ACP6: variants seen among roughly 807,000 people sequenced by gnomAD.
The protein encoded by ACP6 is lysophosphatidic acid phosphatase type 6.
Under a neutral mutation model 48.1 loss-of-function variants are expected in ACP6, and 48 were observed. That is an observed-to-expected ratio of 1.00 (90% CI 0.79 to 1.27). The LOEUF is 1.27. Among genes scored for constraint, ACP6 ranks in the 50% most tolerant of loss-of-function variants. ACP6 has a pLI of 0.00. For synonymous variants in ACP6, 172 were observed against 204.2 expected (o/e 0.84, Z 1.34); for missense variants, 485 against 529.1 (o/e 0.92, Z 0.82).
chr1:147,641,677 T>G (rs1370354291), downstream of ACP6, among the ~76,000 whole-genome samples: 1 of 152,188 alleles, frequency 6.6e-6, no homozygotes, highest in Non-Finnish European at 1.5e-5. Context: ...TTTCACACCC[T>G]ATTTTCCATC....
At chr1:147,664,504 T>C (rs1335990617) in intron 1 of ACP6, among the ~76,000 whole-genome samples, 1 of 152,210 alleles carries the variant, frequency 6.6e-6, no homozygotes, top group Non-Finnish European at 1.5e-5. Flanking sequence ...GCTTTCACAG[T>C]AGCTTCAGTG....
At position 147,648,274 on chromosome 1, in the gene ACP6, C is replaced by T. The variant is rs1553209876; in HGVS notation, c.1115G>A (p.Trp372Ter). Residue 372 changes from tryptophan to a stop codon, truncating the protein, a stop_gained, in exon 9 of 10, where the codon TGG (tryptophan) becomes TAG (stop). Transcript: ENST00000583509. LOFTEE classifies it high-confidence loss of function. ...CCCGTGGTAATAGAGCTGCACAAAC[C>T]ACTCCTTAGATTCCAGGTGCTGGTA... Reference protein sequence around the residue: ...ELYQHLESKEWFVQLYYHGKE... With the variant: ...ELYQHLESKE 6.2e-7 allele frequency: 1 copy of T among 1,614,148 alleles called. No homozygotes were observed.
Position 147,669,946 on chromosome 1 carries a change from G to A in ACP6, c.103C>T (p.Gln35Ter), listed in dbSNP as rs781817804. The A allele has an allele frequency of 2.5e-5, 39 of 1,551,716 alleles. No homozygotes were observed. The highest frequency in any genetic ancestry group is 2.4e-5 in the Non-Finnish European group (28 of 1,148,402). The change falls in exon 1 of 10, where the codon CAG becomes TAG. Residue 35 changes from glutamine to a stop codon, truncating the protein, a stop_gained. Transcript: ENST00000583509. LOFTEE classifies it high-confidence loss of function. ...HQRRVALAEL[Q>*]EADGQCPVDR... ...ACCGGACACTGGCCATCGGCCTCCT[G>A]CAGCTCGGCCAGGGCCACCCGCCGC...
chr1:147,654,532 G>A (rs1553211242), intron 5 of ACP6, among the ~76,000 whole-genome samples: 1 of 152,134 alleles, frequency 6.6e-6, no homozygotes. Context: ...AAGTACCAGG[G>A]TTAGGATAAC....
chr1:147,637,905 C>T (rs1485523100), downstream of ACP6, among the ~76,000 whole-genome samples: 1 of 152,208 alleles, frequency 6.6e-6, no homozygotes, highest in Non-Finnish European at 1.5e-5. Flanking sequence ...TGTGGCCAGT[C>T]TGCACCCTGT....
At chr1:147,661,235 G>GT (rs1553212664) in intron 1 of ACP6, among the ~76,000 whole-genome samples, 2 of 152,120 alleles carry the variant, frequency 1.3e-5, no homozygotes, top group East Asian at 3.8e-4. Context: ...CTGGAGTGCA[G>GT]TGGCATTACC....
intron 6 of ACP6, among the ~76,000 whole-genome samples, chr1:147,652,898 C>A (rs1553210876): frequency 6.6e-6 from 1 of 152,262 alleles, no homozygotes; most frequent in Non-Finnish European, 1.5e-5. Context: ...ACGATCTCGG[C>A]TCACTGCAAG....
intron 1 of ACP6, 118 bp downstream of exon 1, chr1:147,669,712 G>C (rs1660984610): frequency 2.7e-6 from 3 of 1,104,792 alleles, no homozygotes; most frequent in Non-Finnish European, 3.8e-6. Context: ...CCTTCTTCTG[G>C]ACCCAACCCG....
At chr1:147,637,356 G>T (rs1553208164), downstream of ACP6, among the ~76,000 whole-genome samples, 1 of 152,118 alleles carries the variant, frequency 6.6e-6, no homozygotes, top group African/African-American at 2.4e-5. Flanking sequence ...TATTTCAAAG[G>T]TTTTCCTTAT....
chr1:147,669,092 A>ATT lies in ACP6; in HGVS notation c.219+736_219+737dup, dbSNP rs34257966. Among the ~76,000 whole-genome samples the ATT allele has an allele frequency of 1.5e-3, 224 of 151,328 alleles. 2 individuals are homozygous for ATT. The highest frequency in any genetic ancestry group is 4.9e-3 in the African/African-American group (202 of 41,228). On this transcript the variant is annotated intron_variant, in intron 1 of 9. Coordinates refer to ENST00000583509, the MANE Select transcript of ACP6 (RefSeq NM_016361.5). ...AAAGTCACATCCAGGAAAGATAATCATTTTTTTTTAAACTATTTGTGCTTT... is the reference window on the plus strand; with the variant it reads ...AAAGTCACATCCAGGAAAGATAATCATTTTTTTTTTTAAACTATTTGTGCTTT...
chr1:147,653,717 C>A (rs996934292), intron 6 of ACP6, among the ~76,000 whole-genome samples: 1 of 152,036 alleles, frequency 6.6e-6, no homozygotes, highest in African/African-American at 2.4e-5. Context: ...TGTTAGTCTT[C>A]TTTATGTATT....
intron 5 of ACP6, among the ~76,000 whole-genome samples, chr1:147,636,737 A>C (rs1305310577): frequency 6.6e-6 from 1 of 152,196 alleles, no homozygotes; most frequent in African/African-American, 2.4e-5. Flanking sequence ...CTTAGGCTGT[A>C]ATGCAAAAAG....
Position 147,670,134 on chromosome 1 carries a change from C to A in ACP6, c.-86G>T. The A allele has an allele frequency of 7.6e-7, 1 of 1,314,928 alleles. No individual in the cohort carries two copies. Among genetic ancestry groups the A allele is most frequent in the South Asian group, 1.5e-5 (1 of 64,550 alleles). 81.5% of individuals were successfully genotyped at this position (1,314,928 alleles called of 1,614,324 possible). On this transcript the variant is annotated 5_prime_UTR_variant, in exon 1 of 10. Transcript: ENST00000583509. Reference sequence around the variant, plus strand: ...CGGGCGCCGGGGCTCAGCGGGCGCCCCCAAGTCCGCGGGAACCTGCGGATG... The same window carrying A: ...CGGGCGCCGGGGCTCAGCGGGCGCCACCAAGTCCGCGGGAACCTGCGGATG...
Position 147,645,011 on chromosome 1 carries a change from CT to C in ACP6, c.*2411del, listed in dbSNP as rs1289295818. On this transcript the variant is annotated 3_prime_UTR_variant, in exon 10 of 10. Coordinates refer to ENST00000583509, the MANE Select transcript of ACP6 (RefSeq NM_016361.5). Reference sequence around the variant, plus strand: ...TTTTTTTTTGAGATGTTATTTCTCTCTTGTTGCCCAGGCTGGAGTGCAATGG... The same window carrying C: ...TTTTTTTTTGAGATGTTATTTCTCTCTGTTGCCCAGGCTGGAGTGCAATGG... 1 of 143,168 alleles carries C rather than the reference CT, an allele frequency of 7.0e-6. No individual in the cohort carries two copies. Among genetic ancestry groups the C allele is most frequent in the African/African-American group, 2.6e-5 (1 of 38,270 alleles). The allele number at this position is 143,168 out of a possible 1,614,324, so 8.9% of individuals were successfully genotyped here.
intron 7 of ACP6, 154 bp from the exon 8 acceptor site, chr1:147,650,392 T>G: frequency 1.8e-6 from 1 of 542,606 alleles, no homozygotes. Context: ...AGGAGAGAAA[T>G]GGCACCGAGT....
At chr1:147,652,772 G>GAAGAAACCC in intron 6 of ACP6, 3 of 710,436 alleles carry the variant, frequency 4.2e-6, no homozygotes, top group Non-Finnish European at 6.7e-6. Context: ...AAAAGAAAGG[G>GAAGAAACCC]TTTCTTCCCT....
intron 6 of ACP6, 173 bp from the exon 7 acceptor site, chr1:147,652,722 C>T: frequency 7.5e-7 from 1 of 1,327,800 alleles, no homozygotes; most frequent in South Asian, 1.3e-5. Context: ...TAAAGCTCTT[C>T]CAAAGCTATT....
In ACP6 at chr1:147,669,963, A is replaced by G. The variant is rs201678741; in HGVS notation, c.86T>C (p.Val29Ala). 92 of 1,541,876 alleles carry G rather than the reference A, an allele frequency of 6.0e-5. 2 individuals are homozygous for G. The South Asian group carries it at 1.1e-3, about 18-fold the overall frequency. The stretch of plus-strand genomic sequence containing the variant: ...GGCCTCCTGCAGCTCGGCCAGGGCC[A>G]CCCGCCGCTGGTGCAGGCAGTACGC... ...SLAYCLHQRR[V>A]ALAELQEADG... The change falls in exon 1 of 10, where the codon GTG becomes GCG. Residue 29 changes from valine (V) to alanine (A), a missense_variant. Physicochemically the swap from Val to Ala is moderately conservative, Grantham distance 64. Transcript: ENST00000583509.
At position 147,650,403 on chromosome 1, in the gene ACP6, C is replaced by T. The variant is rs956222144; in HGVS notation, c.882-165G>A. On this transcript the variant is annotated intron_variant, in intron 7 of 9. Transcript: ENST00000583509. ...CAGAAGGAGAGAAATGGCACCGAGTCCGGTCTTGGGGTCCTCTGTGAATGA... is the reference window on the plus strand; with the variant it reads ...CAGAAGGAGAGAAATGGCACCGAGTTCGGTCTTGGGGTCCTCTGTGAATGA... 10 of 538,412 alleles carry T rather than the reference C, an allele frequency of 1.9e-5. No homozygotes were observed. The Admixed American group carries it at 2.4e-4, about 13-fold the overall frequency. 33.4% of individuals were successfully genotyped at this position (538,412 alleles called of 1,614,324 possible). A position where few individuals can be genotyped will look rare whatever the true frequency, so the allele number is the denominator to read the frequency against.
Sources: allele counts gnomAD v4.1 joint callset (sites outside exome capture counted in the v4.1 genomes callset), GRCh38; gene constraint gnomAD v4.1.1; transcripts MANE v1.5; gene names NCBI Gene and HGNC (gene_info 2026-07-23, HGNC 2026-07-21).